Variants in PTPRE observed in about 807,000 individuals in gnomAD.
PTPRE encodes receptor-type tyrosine-protein phosphatase epsilon.
A neutral mutation model predicts 102.0 loss-of-function variants in PTPRE; 51 were observed. The ratio of observed to expected loss-of-function variants is 0.50; its 90% CI spans 0.40 to 0.63. PTPRE has a LOEUF of 0.63. PTPRE is among the 30% of genes least tolerant of loss of function. The pLI, the probability that PTPRE is intolerant of heterozygous loss-of-function variation, is 0.00. For synonymous variants in PTPRE, 345 were observed against 348.2 expected, an observed-to-expected ratio of 0.99 and a Z score of 0.10; for missense variants, 752 against 915.1, an observed-to-expected ratio of 0.82 and a Z score of 2.30.
intron 2 of PTPRE, among the ~76,000 whole-genome samples, chr10:128,038,458 C>G (rs1443662652): frequency 6.6e-6 from 1 of 152,056 alleles, no homozygotes. Context: ...ACATATACAC[C>G]ATGGAATACT....
chr10:127,927,707 G>T (rs1226946926), intron 1 of PTPRE, among the ~76,000 whole-genome samples: 1 of 152,158 alleles, frequency 6.6e-6, no homozygotes, highest in Admixed American at 6.5e-5. Context: ...TGATTTGGAG[G>T]TTGTCACGTC....
At position 128,056,187 on chromosome 10, in the gene PTPRE, A is replaced by G. The variant is rs751754612; in HGVS notation, c.485A>G (p.Lys162Arg). 2.5e-6 allele frequency: 4 copies of G among 1,611,322 alleles called. No individual in the cohort carries two copies. Among genetic ancestry groups the G allele is most frequent in the Non-Finnish European group, 3.4e-6 (4 of 1,177,472 alleles). ...GCAAATAAAGAAGAAAACAGAGAAA[A>G]AAACAGATATCCCAACATCCTTCCC... ...ELANKEENREKNRYPNILPND... is the reference protein window; with the variant it reads ...ELANKEENRERNRYPNILPND... Residue 162 changes from lysine to arginine, a missense_variant, in exon 7 of 21, where the codon AAA (lysine) becomes AGA (arginine). Lys to Arg is a conservative substitution (Grantham distance 26). Coordinates refer to ENST00000254667, the MANE Select transcript of PTPRE (RefSeq NM_006504.6).
chr10:128,052,400 T>C (rs898376906), intron 6 of PTPRE, among the ~76,000 whole-genome samples: 7 of 152,188 alleles, frequency 4.6e-5, no homozygotes, highest in Non-Finnish European at 8.8e-5. Flanking sequence ...CAGTGAATGC[T>C]GGAGTCGGCC....
intron 1 of PTPRE, among the ~76,000 whole-genome samples, chr10:127,977,477 C>T (rs1054128489): frequency 5.3e-5 from 8 of 152,192 alleles, no homozygotes; most frequent in African/African-American, 1.9e-4. Flanking sequence ...CTACACAAGC[C>T]ACTCAGCAAC....
chr10:127,951,597 C>G (rs1849030185), intron 1 of PTPRE, among the ~76,000 whole-genome samples: 1 of 152,200 alleles, frequency 6.6e-6, no homozygotes, highest in African/African-American at 2.4e-5. Flanking sequence ...GTCATTCCCC[C>G]AGTTCCAGAT....
chr10:128,069,768 G>T lies in PTPRE; in HGVS notation c.1084G>T (p.Asp362Tyr). The change falls in exon 13 of 21, where the codon GAT becomes TAT. Residue 362 changes from aspartate (D) to tyrosine (Y), a missense_variant. Asp to Tyr is a radical substitution (Grantham distance 160). Coordinates refer to ENST00000254667, the MANE Select transcript of PTPRE (RefSeq NM_006504.6). ...CATGATGCACGCGGAGCAGAAGGTG[G>T]ATGTGTTTGAATTTGTGTCTCGAAT... ...MAMMHAEQKVDVFEFVSRIRN... is the reference protein window; with the variant it reads ...MAMMHAEQKVYVFEFVSRIRN... The T allele has an allele frequency of 2.5e-6, 4 of 1,614,186 alleles. No homozygotes were observed. The highest frequency in any genetic ancestry group is 1.1e-5 in the South Asian group (1 of 91,084).
At chr10:127,949,997 A>G (rs1343630877) in intron 1 of PTPRE, among the ~76,000 whole-genome samples, 2 of 152,074 alleles carry the variant, frequency 1.3e-5, no homozygotes, top group Non-Finnish European at 2.9e-5. Flanking sequence ...GCCAGTTGCC[A>G]GGCAAGACAG....
intron 1 of PTPRE, among the ~76,000 whole-genome samples, chr10:127,940,175 C>T (rs985194552): frequency 2.0e-5 from 3 of 152,070 alleles, no homozygotes; most frequent in Non-Finnish European, 4.4e-5. Context: ...AGGTGGCTGA[C>T]AGCTTCACCC....
At chr10:128,075,126 A>G (rs976167595) in intron 17 of PTPRE, among the ~76,000 whole-genome samples, 4 of 152,138 alleles carry the variant, frequency 2.6e-5, no homozygotes, top group Non-Finnish European at 4.4e-5. Flanking sequence ...TTGATATTCT[A>G]TGTTGATGCT....
Position 127,907,779 on chromosome 10 carries a change from C to G in PTPRE, c.-31+470C>G, listed in dbSNP as rs1333366015. On this transcript the variant is annotated intron_variant, in intron 1 of 20. Coordinates refer to ENST00000254667, the MANE Select transcript of PTPRE (RefSeq NM_006504.6). The surrounding 1 kb of genome is among the most constrained non-coding windows in gnomAD (Gnocchi z 4.8). ...GAGTTGTGCCAACTCTGGGAGGGGC[C>G]GGCGCTCTGCCAGGATGCTGCCCCG... Among the ~76,000 whole-genome samples the G allele has an allele frequency of 2.0e-5, 3 of 152,148 alleles. No homozygotes were observed. Among genetic ancestry groups the G allele is most frequent in the Non-Finnish European group, 4.4e-5 (3 of 68,012 alleles).
At chr10:127,932,917 G>A (rs890027203) in intron 1 of PTPRE, among the ~76,000 whole-genome samples, 4 of 152,196 alleles carry the variant, frequency 2.6e-5, no homozygotes, top group African/African-American at 7.2e-5. Flanking sequence ...CACAGGCTGT[G>A]GGCTGGGGGA....
intron 1 of PTPRE, among the ~76,000 whole-genome samples, chr10:127,974,773 T>C (rs1307903416): frequency 6.6e-6 from 1 of 152,196 alleles, no homozygotes; most frequent in East Asian, 1.9e-4. Context: ...ACTGAAGATG[T>C]TCAAGCTAGA....
At chr10:128,080,524 ATC>A (rs775385485) in intron 20 of PTPRE, among the ~76,000 whole-genome samples, 2 of 152,160 alleles carry the variant, frequency 1.3e-5, no homozygotes, top group African/African-American at 4.8e-5. Context: ...AGCAAAGACC[ATC>A]TCTCTAAGCA....
intron 1 of PTPRE, among the ~76,000 whole-genome samples, chr10:127,933,106 C>T (rs940494728): frequency 1.3e-5 from 2 of 152,194 alleles, no homozygotes; most frequent in African/African-American, 4.8e-5. Context: ...CCGGATGATC[C>T]AGGATAATCT....
intron 17 of PTPRE, among the ~76,000 whole-genome samples, chr10:128,074,761 T>C (rs930651559): frequency 2.0e-5 from 3 of 152,208 alleles, no homozygotes; most frequent in Admixed American, 6.5e-5. Context: ...GGAGTGTATA[T>C]ACTAGGAGCG....
In PTPRE at chr10:128,070,847, A is replaced by G. The variant is rs137950388; in HGVS notation, c.1333A>G (p.Thr445Ala). The change falls in exon 15 of 21, where the codon ACG (threonine) becomes GCG (alanine). Residue 445 changes from threonine (T) to alanine (A), a missense_variant. Thr to Ala is a moderately conservative substitution (Grantham distance 58). This residue lies in a region of PTPRE where 636 missense variants were observed against 824.4 expected (regional missense o/e 0.77). Transcript: ENST00000254667. This position sits in a 1 kb window ranked among gnomAD's most constrained non-coding sequence, Gnocchi z 4.8. ...CCGGATCATGAAGGAGAACATGAGG[A>G]CGGGCAACTTGCCGGCAAACATGAA... ...NVRIMKENMR[T>A]GNLPANMKKA... is the part of the protein sequence containing the mutation. 6.2e-7 allele frequency: 1 copy of G among 1,614,180 alleles called. No individual in the cohort carries two copies. The highest frequency in any genetic ancestry group is 8.5e-7 in the Non-Finnish European group (1 of 1,180,026).
intron 2 of PTPRE, among the ~76,000 whole-genome samples, chr10:128,017,300 A>G (rs1311095165): frequency 1.3e-5 from 2 of 152,110 alleles, no homozygotes; most frequent in African/African-American, 4.8e-5. Flanking sequence ...AGAAGAGCTG[A>G]GAGCTATAGA....
chr10:127,916,263 G>C (rs1173845960), intron 1 of PTPRE, among the ~76,000 whole-genome samples: 1 of 152,120 alleles, frequency 6.6e-6, no homozygotes, highest in East Asian at 1.9e-4. Context: ...TCATGAGGGT[G>C]GTTTCCCCCA....
At position 127,999,709 on chromosome 10, in the gene PTPRE, A is replaced by G; in HGVS notation, c.-8+17413A>G. 6 of 984,342 alleles carry G rather than the reference A, an allele frequency of 6.1e-6. No homozygotes were observed. In the South Asian group the frequency reaches 2.4e-4, roughly 39 times the overall value. 61.0% of individuals were successfully genotyped at this position (984,342 alleles called of 1,614,324 possible). On this transcript the variant is annotated intron_variant, in intron 2 of 20. Transcript: ENST00000254667. The stretch of plus-strand genomic sequence containing the variant: ...ATTTTTAAGCATTTATTTCAACTCG[A>G]GATGAGCGGTCTCTCCTGTAAATTT...
Sources: allele counts gnomAD v4.1 joint callset (sites outside exome capture counted in the v4.1 genomes callset), GRCh38; gene constraint gnomAD v4.1.1; regional missense constraint gnomAD v4.1.1; non-coding constraint Gnocchi (gnomAD v3.1); transcripts MANE v1.5; gene names NCBI Gene and HGNC (gene_info 2026-07-23, HGNC 2026-07-21).